Variants in AGMAT observed in about 807,000 individuals in gnomAD.
AGMAT encodes guanidino acid hydrolase, mitochondrial.
In AGMAT, 37 loss-of-function variants were observed where a neutral mutation model predicts 29.3. The observed-to-expected ratio is 1.26, with a 90% CI of 0.97 to 1.66. The LOEUF (loss-of-function observed/expected upper bound fraction) is 1.66. Among genes scored for constraint, AGMAT ranks in the 40% most tolerant of loss-of-function variants. The probability of loss-of-function intolerance (pLI) is 0.00; values close to 1 mark genes in which losing one functional copy is unlikely to be tolerated. For missense variants in AGMAT, 498 were observed against 497.8 expected (o/e 1.00, Z 0.00); for synonymous variants, 199 against 200.8 (o/e 0.99, Z 0.08).
At position 15,573,448 on chromosome 1, in the gene AGMAT, T is replaced by C. The variant is rs527506857; in HGVS notation, c.*203A>G. ...AGCAGTACAAGTACTCCTTTTTTTT[T>C]CCCCCAATTAATCCAAGTTCCTTAG... is the stretch of plus-strand genomic sequence containing the variant. On this transcript the variant is annotated 3_prime_UTR_variant, in exon 7 of 7. Transcript: ENST00000375826. 1.1e-3 allele frequency: 590 copies of C among 528,434 alleles called. 1 individual carries two copies. In the Admixed American group the frequency reaches 0.012, roughly 11 times the overall value. 32.7% of individuals were successfully genotyped at this position (528,434 alleles called of 1,614,324 possible). A position where few individuals can be genotyped will look rare whatever the true frequency, so the allele number is the denominator to read the frequency against.
In AGMAT at chr1:15,580,135, A is replaced by G. The variant is rs368890427; in HGVS notation, c.483T>C (p.Asp161=). 5.6e-6 allele frequency: 9 copies of G among 1,612,230 alleles called. No individual in the cohort carries two copies. Among genetic ancestry groups the G allele is most frequent in the Non-Finnish European group, 7.6e-6 (9 of 1,179,086 alleles). ...GCAATATGGGATATGTGATTGTGTG[A>G]TCTCCACCTGCAAAGAGGAAGAAGA... is the stretch of plus-strand genomic sequence containing the variant. The part of the protein sequence containing the change: ...AGCIPLTLGG[D]HTITYPILQA... Residue 161 remains aspartate (D), a synonymous_variant, in exon 3 of 7, where the codon GAT becomes GAC. Coordinates refer to ENST00000375826, the MANE Select transcript of AGMAT (RefSeq NM_024758.5).
At chr1:15,582,266 CAAAAAAAAAGAAA>C (rs1639125796) in intron 2 of AGMAT, among the ~76,000 whole-genome samples, 1 of 135,754 alleles carries the variant, frequency 7.4e-6, no homozygotes, top group Non-Finnish European at 1.6e-5. Flanking sequence ...AATTCTGTCT[CAAAAAAAAAGAAA>C]AAAAAAAAAG....
chr1:15,578,456 G>A (rs1639069107), intron 4 of AGMAT, among the ~76,000 whole-genome samples: 1 of 152,014 alleles, frequency 6.6e-6, no homozygotes, highest in Non-Finnish European at 1.5e-5. Context: ...CGCCACACCT[G>A]GCTAATTTTT....
chr1:15,575,141 C>T (rs1056577417), intron 5 of AGMAT: 2 of 232,722 alleles, frequency 8.6e-6, no homozygotes, highest in Non-Finnish European at 1.7e-5. Flanking sequence ...TAGGTAATAG[C>T]CTGGAGAGGT....
chr1:15,577,840 C>T lies in AGMAT; in HGVS notation c.745G>A (p.Asp249Asn). Residue 249 changes from aspartate to asparagine, a missense_variant, in exon 5 of 7, where the codon GAC becomes AAC. Physicochemically the swap from Asp to Asn is conservative, Grantham distance 23 (BLOSUM62 1). Transcript: ENST00000375826. Reference protein sequence around the residue: ...SQGFRVVLAEDCWMKSLVPLM... With the variant: ...SQGFRVVLAENCWMKSLVPLM... ...GGAACCAGCGACTTCATCCAGCAGT[C>T]TTCAGCCAGGACTACCCGGAAGCCC... 1 of 1,614,162 alleles carries T rather than the reference C, an allele frequency of 6.2e-7. No individual in the cohort carries two copies. The highest frequency in any genetic ancestry group is 8.5e-7 in the Non-Finnish European group (1 of 1,179,998).
intron 4 of AGMAT, among the ~76,000 whole-genome samples, 198 bp from the exon 5 acceptor site, chr1:15,578,062 T>G (rs1202349727): frequency 6.6e-6 from 1 of 152,190 alleles, no homozygotes; most frequent in Non-Finnish European, 1.5e-5. Flanking sequence ...CTGATGGAGT[T>G]GGAATCAGAG....
intron 5 of AGMAT, chr1:15,576,121 A>C (rs530269683): frequency 1.8e-4 from 28 of 151,930 alleles, no homozygotes; most frequent in African/African-American, 6.0e-4. Flanking sequence ...GTTTGTTTTG[A>C]GATGGAGTTT....
Position 15,577,854 on chromosome 1 carries a change from A to G in AGMAT, c.731T>C (p.Val244Ala). The G allele has an allele frequency of 6.2e-7, 1 of 1,613,950 alleles. No individual in the cohort carries two copies. The highest frequency in any genetic ancestry group is 8.5e-7 in the Non-Finnish European group (1 of 1,179,926). The change falls in exon 5 of 7, where the codon GTA becomes GCA. Residue 244 changes from valine to alanine, a missense_variant. Transcript: ENST00000375826. ...CATCCAGCAGTCTTCAGCCAGGACT[A>G]CCCGGAAGCCCTGCAGAGACAGGGA... is the stretch of plus-strand genomic sequence containing the variant. ...YRYNRSQGFRVVLAEDCWMKS... is the reference protein window; with the variant it reads ...YRYNRSQGFRAVLAEDCWMKS...
chr1:15,575,030 C>T (rs1028131902), intron 5 of AGMAT, 189 bp from the exon 6 acceptor site: 11 of 525,176 alleles, frequency 2.1e-5, no homozygotes, highest in Admixed American at 6.1e-5. Flanking sequence ...AGTCCCTGCT[C>T]CTCAGGGCTG....
Position 15,573,556 on chromosome 1 carries a change from G to T in AGMAT, c.*95C>A. The T allele has an allele frequency of 1.7e-6, 2 of 1,182,948 alleles. No individual in the cohort carries two copies. Among genetic ancestry groups the T allele is most frequent in the Non-Finnish European group, 1.2e-6 (1 of 803,550 alleles). 73.3% of individuals were successfully genotyped at this position (1,182,948 alleles called of 1,614,324 possible). ...GACACTTTCAGCAGAAAGTTTTCTT[G>T]GCATAAACTCTTTAGTTCTCAGACT... On this transcript the variant is annotated 3_prime_UTR_variant, in exon 7 of 7. Transcript: ENST00000375826.
Position 15,579,009 on chromosome 1 carries a change from C to G in AGMAT, c.570G>C (p.Thr190=). The change falls in exon 4 of 7, where the codon ACG becomes ACC. Residue 190 remains threonine, a synonymous_variant. Coordinates refer to ENST00000375826, the MANE Select transcript of AGMAT (RefSeq NM_024758.5). ...GLLHVDAHTD[T]TDKALGEKLY... ...GCTTCTCTCCTAGGGCCTTGTCGGT[C>G]GTGTCCGTGTGCGCATCCACGTGCA... 1 of 1,614,098 alleles carries G rather than the reference C, an allele frequency of 6.2e-7. No individual in the cohort carries two copies. Among genetic ancestry groups the G allele is most frequent in the Non-Finnish European group, 8.5e-7 (1 of 1,180,012 alleles).
intron 3 of AGMAT, 91 bp downstream of exon 3, chr1:15,580,003 G>T: frequency 3.4e-6 from 4 of 1,184,214 alleles, no homozygotes; most frequent in East Asian, 2.3e-5. Flanking sequence ...TGAGCCAGCA[G>T]CAGTCACCTA....
At chr1:15,579,886 G>C (rs1453081452) in intron 3 of AGMAT, among the ~76,000 whole-genome samples, 1 of 152,170 alleles carries the variant, frequency 6.6e-6, no homozygotes, top group Non-Finnish European at 1.5e-5. Context: ...GGGCAAGGGA[G>C]GGTGGCCAGA....
Position 15,584,863 on chromosome 1 carries a change from C to G in AGMAT, c.105G>C (p.Gln35His), listed in dbSNP as rs762705531. The G allele has an allele frequency of 1.3e-5, 19 of 1,409,604 alleles. No homozygotes were observed. The Admixed American group carries it at 6.4e-4, about 47-fold the overall frequency. The allele number at this position is 1,409,604 out of a possible 1,614,324, so 87.3% of individuals were successfully genotyped here. ...LFHPGRRQSRQASDAPRNQPP... is the reference protein window; with the variant it reads ...LFHPGRRQSRHASDAPRNQPP... ...GCTGGTTCCGGGGCGCGTCGGAAGCCTGGCGGCTCTGGCGGCGCCCCGGAT... is the reference window on the plus strand; with the variant it reads ...GCTGGTTCCGGGGCGCGTCGGAAGCGTGGCGGCTCTGGCGGCGCCCCGGAT... The change falls in exon 1 of 7, where the codon CAG becomes CAC. Residue 35 changes from glutamine (Q) to histidine (H), a missense_variant. Transcript: ENST00000375826.
At chr1:15,574,662 G>C in intron 6 of AGMAT, 95 bp downstream of exon 6, 1 of 1,125,590 alleles carries the variant, frequency 8.9e-7, no homozygotes, top group Non-Finnish European at 1.3e-6. Flanking sequence ...ACAGGCTTGG[G>C]CCACCATGCC....
chr1:15,580,122 A>G lies in AGMAT; in HGVS notation c.496T>C (p.Tyr166His), dbSNP rs773754243. The G allele has an allele frequency of 6.2e-7, 1 of 1,607,928 alleles. No individual in the cohort carries two copies. Among genetic ancestry groups the G allele is most frequent in the South Asian group, 1.1e-5 (1 of 90,962 alleles). ...LTLGGDHTIT[Y>H]PILQAMAKKH... ...TTTGCCATCGCTTGCAATATGGGAT[A>G]TGTGATTGTGTGATCTCCACCTGCA... Residue 166 changes from tyrosine (Y) to histidine (H), a missense_variant, in exon 3 of 7, where the codon TAT becomes CAT. By Grantham distance (83) the Tyr-to-His change is moderately conservative. Coordinates refer to ENST00000375826, the MANE Select transcript of AGMAT (RefSeq NM_024758.5).
At chr1:15,577,635 G>T in intron 5 of AGMAT, 50 bp downstream of exon 5, 1 of 1,518,762 alleles carries the variant, frequency 6.6e-7, no homozygotes, top group Non-Finnish European at 9.0e-7. Flanking sequence ...CAGGAAAATG[G>T]GTGTTAAGTG....
At position 15,581,645 on chromosome 1, in the gene AGMAT, C is replaced by T. The variant is rs568121981; in HGVS notation, c.476-1503G>A. On this transcript the variant is annotated intron_variant, in intron 2 of 6. Transcript: ENST00000375826. The stretch of plus-strand genomic sequence containing the variant: ...ATCCCAGCATTTTGGGAAGCTGAGG[C>T]GGCGGATCACCTGAGGTCAGGAGTT... Among the ~76,000 whole-genome samples the T allele has an allele frequency of 3.3e-4, 50 of 151,044 alleles. 2 individuals are homozygous for T. The South Asian group carries it at 6.9e-3, about 21-fold the overall frequency.
At chr1:15,576,661 C>T (rs1639041882) in intron 5 of AGMAT, among the ~76,000 whole-genome samples, 1 of 149,736 alleles carries the variant, frequency 6.7e-6, no homozygotes, top group African/African-American at 2.5e-5. Flanking sequence ...AACTCCTGAC[C>T]TTGTGATCCA....
Sources: gnomAD v4.1 joint callset for allele counts (sites outside exome capture counted in the v4.1 genomes callset) on GRCh38, gnomAD v4.1.1 for gene constraint, MANE v1.5 for transcripts, NCBI Gene and HGNC (gene_info 2026-07-23, HGNC 2026-07-21) for gene names.